The following HHAT variants were observed in gnomAD, a reference collection of about 807,000 sequenced individuals.
The protein encoded by HHAT is protein-cysteine N-palmitoyltransferase HHAT.
HHAT carries 47 observed loss-of-function variants against 70.8 expected under a neutral mutation model. That is an observed-to-expected ratio of 0.66 (90% CI 0.53 to 0.85). The LOEUF is 0.85. Among genes scored for constraint, HHAT ranks in the 40% least tolerant of loss-of-function variants. The pLI is 0.00. For synonymous variants in HHAT, 228 were observed against 247.6 expected, an observed-to-expected ratio of 0.92 and a Z score of 0.74; for missense variants, 609 against 604.8, an observed-to-expected ratio of 1.01 and a Z score of -0.07.
intron 7 of HHAT, among the ~76,000 whole-genome samples, chr1:210,459,463 C>T (rs779914413): frequency 4.6e-5 from 7 of 152,132 alleles, no homozygotes; most frequent in South Asian, 2.1e-4. Context: ...AAGGAACCTA[C>T]GGTCTTAAGC....
rs1316312694 is a variant in HHAT, at chr1:210,489,567, G to C, written c.1008-23586G>C. ...TTTTGCAGCCTCCTCCAAGTAGCTT[G>C]TCAGTTCCCCTTGACCAGGGCCTCT... is the stretch of plus-strand genomic sequence containing the variant. On this transcript the variant is annotated intron_variant, in intron 8 of 11. Transcript: ENST00000261458. 3.3e-5 allele frequency among the ~76,000 whole-genome samples: 5 copies of C among 152,184 alleles called. No homozygotes were observed. The East Asian group carries it at 9.6e-4, about 29-fold the overall frequency.
chr1:210,449,739 T>C (rs1205046345), intron 7 of HHAT, among the ~76,000 whole-genome samples: 1 of 152,214 alleles, frequency 6.6e-6, no homozygotes, highest in Non-Finnish European at 1.5e-5. Flanking sequence ...TTGTGAGTTA[T>C]GTAAGTGCTG....
chr1:210,579,531 C>T (rs1337778112), intron 9 of HHAT, among the ~76,000 whole-genome samples: 1 of 152,076 alleles, frequency 6.6e-6, no homozygotes, highest in Non-Finnish European at 1.5e-5. Flanking sequence ...AAAAAAATCT[C>T]CAGAGTCTTT....
rs115771703 is a variant in HHAT at position 210,520,332 on chromosome 1, G to T, written c.1043+7144G>T. Among the ~76,000 whole-genome samples the T allele has an allele frequency of 9.5e-3, 1,445 of 152,178 alleles. 26 individuals carry two copies. The highest frequency in any genetic ancestry group is 0.033 in the African/African-American group (1,384 of 41,532). ...GCCTGACCCATTCTGTCTTTTAATT[G>T]GGGAATTTAATCCATTTACATTCAG... On this transcript the variant is annotated intron_variant, in intron 9 of 11. Coordinates refer to ENST00000261458, the MANE Select transcript of HHAT (RefSeq NM_018194.6).
chr1:210,465,600 G>C (rs1572638627), intron 8 of HHAT, among the ~76,000 whole-genome samples: 2 of 152,152 alleles, frequency 1.3e-5, no homozygotes, highest in East Asian at 3.9e-4. Context: ...CAGCCCCCCA[G>C]TAGTTGGGAT....
chr1:210,493,640 A>G (rs2094585839), intron 8 of HHAT, among the ~76,000 whole-genome samples: 1 of 152,232 alleles, frequency 6.6e-6, no homozygotes, highest in African/African-American at 2.4e-5. Flanking sequence ...AGAGAGGTCA[A>G]AGCTAGAAAT....
chr1:210,604,105 T>A (rs1239863805), intron 10 of HHAT, among the ~76,000 whole-genome samples: 1 of 152,170 alleles, frequency 6.6e-6, no homozygotes, highest in Non-Finnish European at 1.5e-5. Context: ...TTGTTTTGTT[T>A]TGAGACAGAG....
At chr1:210,673,700 T>C (rs550773203) in intron 11 of HHAT, among the ~76,000 whole-genome samples, 1 of 151,830 alleles carries the variant, frequency 6.6e-6, no homozygotes, top group Non-Finnish European at 1.5e-5. Context: ...CAAGTGATCC[T>C]TCCTCCTTGG....
At chr1:210,428,931 G>A (rs558599388) in intron 7 of HHAT, among the ~76,000 whole-genome samples, 5 of 151,790 alleles carry the variant, frequency 3.3e-5, no homozygotes, top group East Asian at 1.9e-4. Context: ...AGCTATGATC[G>A]CACCACTGCA....
intron 9 of HHAT, among the ~76,000 whole-genome samples, chr1:210,580,999 C>T (rs1413866401): frequency 6.6e-6 from 1 of 152,116 alleles, no homozygotes; most frequent in Non-Finnish European, 1.5e-5. Context: ...TGTTTCCTGA[C>T]TTTTTAATAA....
intron 9 of HHAT, among the ~76,000 whole-genome samples, chr1:210,569,137 G>A (rs904083683): frequency 2.0e-5 from 3 of 152,024 alleles, no homozygotes; most frequent in Non-Finnish European, 4.4e-5. Context: ...ACTTTGGGAG[G>A]CCGAAGCGGG....
intron 5 of HHAT, among the ~76,000 whole-genome samples, chr1:210,404,023 A>T (rs2092212229): frequency 1.3e-5 from 2 of 152,124 alleles, no homozygotes; most frequent in African/African-American, 4.8e-5. Context: ...ACAAAAGAGG[A>T]AAACGAAAAA....
At chr1:210,380,538 G>C (rs1318581759) in intron 3 of HHAT, among the ~76,000 whole-genome samples, 2 of 151,740 alleles carry the variant, frequency 1.3e-5, no homozygotes, top group Non-Finnish European at 2.9e-5. Flanking sequence ...AGACTCTGTC[G>C]CAAAAAATAA....
At chr1:210,550,634 A>G (rs1252371024) in intron 9 of HHAT, among the ~76,000 whole-genome samples, 1 of 148,956 alleles carries the variant, frequency 6.7e-6, no homozygotes, top group Non-Finnish European at 1.5e-5. Flanking sequence ...AAAACTCAAC[A>G]TTGAATTATC....
At chr1:210,445,231 C>G (rs2093611673) in intron 7 of HHAT, among the ~76,000 whole-genome samples, 1 of 152,220 alleles carries the variant, frequency 6.6e-6, no homozygotes, top group Non-Finnish European at 1.5e-5. Context: ...GTATCTCTCC[C>G]TAGCCCCCTC....
rs202160236 is a variant in HHAT, at chr1:210,511,797, T to C, written c.1008-1356T>C. Among the ~76,000 whole-genome samples the C allele has an allele frequency of 5.2e-3, 235 of 45,612 alleles. 1 individual carries two copies. Among genetic ancestry groups the C allele is most frequent in the East Asian group, 0.017 (16 of 958 alleles). The allele number at this position is 45,612 out of a possible 152,430, so 29.9% of individuals were successfully genotyped here. A position where few individuals can be genotyped will look rare whatever the true frequency, so the allele number is the denominator to read the frequency against. The stretch of plus-strand genomic sequence containing the variant: ...CGCCTGGTCTTTTTTTTTTTTTTTT[T>C]TTTTTTTTTTGAGATGGAGTCTCAC... On this transcript the variant is annotated intron_variant, in intron 8 of 11. Transcript: ENST00000261458.
chr1:210,344,939 C>T (rs1322070292), intron 1 of HHAT, among the ~76,000 whole-genome samples: 1 of 151,204 alleles, frequency 6.6e-6, no homozygotes, highest in East Asian at 1.9e-4. Context: ...TGCCGGCCTG[C>T]ACTGCCTCAC....
At chr1:210,612,313 C>T (rs1466493540) in intron 10 of HHAT, among the ~76,000 whole-genome samples, 3 of 152,180 alleles carry the variant, frequency 2.0e-5, no homozygotes, top group East Asian at 1.9e-4. Context: ...CTCTCATCCT[C>T]TCCTCTCTCA....
At chr1:210,436,537 T>G (rs780037055) in intron 7 of HHAT, among the ~76,000 whole-genome samples, 3 of 151,742 alleles carry the variant, frequency 2.0e-5, no homozygotes, top group Admixed American at 6.6e-5. Flanking sequence ...TAGAGCAGTT[T>G]CTGTGCCTGA....
Sources: allele counts gnomAD v4.1 joint callset (sites outside exome capture counted in the v4.1 genomes callset), GRCh38; gene constraint gnomAD v4.1.1; transcripts MANE v1.5; gene names NCBI Gene and HGNC (gene_info 2026-07-23, HGNC 2026-07-21).